PTCH1: variants seen among roughly 807,000 people sequenced by gnomAD.
The protein encoded by PTCH1 is patched 1, also known as protein patched homolog 1.
A neutral mutation model predicts 144.6 loss-of-function variants in PTCH1; 14 were observed. The ratio of observed to expected loss-of-function variants is 0.10; its 90% CI spans 0.06 to 0.15. The LOEUF (loss-of-function observed/expected upper bound fraction) is 0.15. Ranked by LOEUF, PTCH1 falls within the 10% of genes least tolerant of loss-of-function variation. The pLI, the probability that PTCH1 is intolerant of heterozygous loss-of-function variation, is 1.00. For missense variants in PTCH1, 1,623 were observed against 1,948.3 expected, an observed-to-expected ratio of 0.83 and a Z score of 3.14; for synonymous variants, 833 against 793.6, an observed-to-expected ratio of 1.05 and a Z score of -0.83.
At chr9:95,456,923 T>C (rs1838990080) in intron 18 of PTCH1, among the ~76,000 whole-genome samples, 4 of 152,056 alleles carry the variant, frequency 2.6e-5, no homozygotes, top group Admixed American at 2.6e-4. Flanking sequence ...TAGTTTTGCT[T>C]TTGTGAGTGA....
intron 2 of PTCH1, chr9:95,495,053 C>G (rs978686062): frequency 6.6e-6 from 1 of 152,318 alleles, no homozygotes; most frequent in Admixed American, 6.5e-5. Flanking sequence ...GTGAATACCA[C>G]GCTGGCCTCA....
chr9:95,477,090 T>C (rs1841105137), intron 10 of PTCH1, among the ~76,000 whole-genome samples: 1 of 152,220 alleles, frequency 6.6e-6, no homozygotes, highest in Non-Finnish European at 1.5e-5. Context: ...AGCTAGTAAA[T>C]GAGAAGGAAT....
intron 2 of PTCH1, among the ~76,000 whole-genome samples, chr9:95,497,082 T>C (rs1842845076): frequency 6.6e-6 from 1 of 152,254 alleles, no homozygotes; most frequent in Admixed American, 6.5e-5. Flanking sequence ...CTCTGTAGAA[T>C]AAATTTCTTA....
At chr9:95,506,376 GGGGCGC>G in intron 2 of PTCH1, 25 bp downstream of exon 2, 2 of 1,605,292 alleles carry the variant, frequency 1.2e-6, no homozygotes, top group Non-Finnish European at 1.7e-6. Flanking sequence ...GACCGGGCCG[GGGGCGC>G]GGGCGCCGCG....
chr9:95,496,406 C>T (rs985625457), intron 2 of PTCH1, among the ~76,000 whole-genome samples: 2 of 151,786 alleles, frequency 1.3e-5, no homozygotes, highest in Non-Finnish European at 2.9e-5. Flanking sequence ...AAAAAAGTTA[C>T]GAGAAAAAAG....
At chr9:95,483,107 A>G (rs1334980555) in intron 3 of PTCH1, 2 of 148,212 alleles carry the variant, frequency 1.3e-5, no homozygotes, top group Admixed American at 6.7e-5. Context: ...CTACAAAAAA[A>G]TGAAAAAAAA....
rs1456915443 is a variant in PTCH1 at position 95,508,717 on chromosome 9, G to A, written c.-356C>T. On this transcript the variant is annotated 5_prime_UTR_variant, in exon 1 of 24. Transcript: ENST00000331920. Reference sequence around the variant, plus strand: ...AGCCTGTCCTTCGGGCGCTTCCGCGGCACTCCTTGCGGTCCCCAACTCCCC... The same window carrying A: ...AGCCTGTCCTTCGGGCGCTTCCGCGACACTCCTTGCGGTCCCCAACTCCCC... 3.0e-6 allele frequency: 3 copies of A among 986,416 alleles called. No homozygotes were observed. Among genetic ancestry groups the A allele is most frequent in the African/African-American group, 1.7e-5 (1 of 57,198 alleles). 61.1% of individuals were successfully genotyped at this position (986,416 alleles called of 1,614,324 possible).
At chr9:95,493,751 G>A (rs1842594418) in intron 2 of PTCH1, among the ~76,000 whole-genome samples, 1 of 152,020 alleles carries the variant, frequency 6.6e-6, no homozygotes, top group African/African-American at 2.4e-5. Context: ...ATCTCTAAGC[G>A]GGTGTAACTG....
intron 15 of PTCH1, among the ~76,000 whole-genome samples, chr9:95,464,625 T>C (rs1203177965): frequency 1.3e-5 from 2 of 152,212 alleles, no homozygotes; most frequent in Non-Finnish European, 2.9e-5. Context: ...TCTGCCTTAT[T>C]TGCATGTATG....
intron 2 of PTCH1, among the ~76,000 whole-genome samples, chr9:95,494,027 G>A (rs10512249): frequency 0.11 from 16,283 of 152,218 alleles, 985 homozygotes; most frequent in African/African-American, 0.16. Context: ...CCAGTGAGAG[G>A]TCAACCACCA....
At chr9:95,496,327 T>G (rs1842788218) in intron 2 of PTCH1, among the ~76,000 whole-genome samples, 1 of 152,232 alleles carries the variant, frequency 6.6e-6, no homozygotes, top group African/African-American at 2.4e-5. Context: ...TGGCAAGATT[T>G]TTCCACGTTG....
chr9:95,466,960 AAC>A (rs2117934562), intron 15 of PTCH1, among the ~76,000 whole-genome samples, 154 bp downstream of exon 15: 1 of 152,352 alleles, frequency 6.6e-6, no homozygotes, highest in South Asian at 2.1e-4. Flanking sequence ...CTGCTGCAGA[AAC>A]AGTTCATGTA....
chr9:95,514,330 C>G (rs190166161), intron 1 of PTCH1: 16 of 152,380 alleles, frequency 1.1e-4, no homozygotes, highest in African/African-American at 3.6e-4. Flanking sequence ...TCGCCTCTCC[C>G]TGTCTAATAT....
intron 2 of PTCH1, among the ~76,000 whole-genome samples, chr9:95,498,340 G>GGTTTCTT (rs1842924799): frequency 6.6e-6 from 1 of 152,180 alleles, no homozygotes; most frequent in Non-Finnish European, 1.5e-5. Context: ...TGGGTTTCTG[G>GGTTTCTT]ATTAGAAATA....
intron 22 of PTCH1, among the ~76,000 whole-genome samples, chr9:95,447,744 C>T (rs1419194036): frequency 6.6e-6 from 1 of 152,194 alleles, no homozygotes; most frequent in African/African-American, 2.4e-5. Context: ...AGCTGCTGCC[C>T]CCCACAACCT....
In PTCH1 at chr9:95,469,950, T is replaced by A. The variant is rs2118101112; in HGVS notation, c.1729-19A>T. ...CCGCTGCCTGGGAGCAGAAAAAAAA[T>A]TCAGAGGTCACCAACATGCCTCCGC... On this transcript the variant is annotated intron_variant, in intron 12 of 23. Coordinates refer to ENST00000331920, the MANE Select transcript of PTCH1 (RefSeq NM_000264.5). 7 of 1,574,536 alleles carry A rather than the reference T, an allele frequency of 4.4e-6. No individual in the cohort carries two copies. Among genetic ancestry groups the A allele is most frequent in the South Asian group, 1.1e-5 (1 of 90,224 alleles).
At chr9:95,501,926 G>A (rs542106675) in intron 2 of PTCH1, among the ~76,000 whole-genome samples, 1 of 152,276 alleles carries the variant, frequency 6.6e-6, no homozygotes, top group South Asian at 2.1e-4. Context: ...AAGCATTCGT[G>A]GCTCCAGGGA....
chr9:95,495,044 T>G (rs1842699176), intron 2 of PTCH1: 1 of 152,328 alleles, frequency 6.6e-6, no homozygotes, highest in Non-Finnish European at 1.5e-5. Flanking sequence ...TGGCCTCCGG[T>G]GAATACCACG....
intron 2 of PTCH1, among the ~76,000 whole-genome samples, chr9:95,503,551 G>A (rs188240430): frequency 1.3e-5 from 2 of 149,002 alleles, no homozygotes; most frequent in Non-Finnish European, 2.9e-5. Flanking sequence ...ATCTAGCACA[G>A]AATGAATGAA....
Sources: gnomAD v4.1 joint callset for allele counts (sites outside exome capture counted in the v4.1 genomes callset) on GRCh38, gnomAD v4.1.1 for gene constraint, MANE v1.5 for transcripts, NCBI Gene and HGNC (gene_info 2026-07-23, HGNC 2026-07-21) for gene names.